The following EXOC1 variants were observed in gnomAD, a reference collection of about 807,000 sequenced individuals.
EXOC1 encodes SEC3-like 1.
In EXOC1, 67 loss-of-function variants were observed where a neutral mutation model predicts 107.7. That is an observed-to-expected ratio of 0.62 (90% CI 0.51 to 0.76). The LOEUF (loss-of-function observed/expected upper bound fraction) is 0.76. Ranked by LOEUF, EXOC1 falls within the 30% of genes least tolerant of loss-of-function variation. The pLI, the probability that EXOC1 is intolerant of heterozygous loss-of-function variation, is 0.00. For synonymous variants in EXOC1, 348 were observed against 353.5 expected, an observed-to-expected ratio of 0.98 and a Z score of 0.17; for missense variants, 833 against 1,055.7, an observed-to-expected ratio of 0.79 and a Z score of 2.92.
chr4:55,895,086 G>A (rs1250050592), intron 15 of EXOC1, among the ~76,000 whole-genome samples: 1 of 152,116 alleles, frequency 6.6e-6, no homozygotes, highest in East Asian at 1.9e-4. Context: ...ACATAGGTTT[G>A]CCACTGAAGA....
At chr4:55,891,291 T>C (rs781632066) in intron 12 of EXOC1, 24 bp from the exon 13 acceptor site, 29 of 1,467,796 alleles carry the variant, frequency 2.0e-5, no homozygotes, top group Middle Eastern at 3.4e-4. Flanking sequence ...TCTTTCGTTA[T>C]AGGATCACTT....
intron 9 of EXOC1, among the ~76,000 whole-genome samples, chr4:55,882,491 G>T (rs1723500236): frequency 6.6e-6 from 1 of 152,164 alleles, no homozygotes; most frequent in Non-Finnish European, 1.5e-5. Flanking sequence ...ACATCCCAAT[G>T]AAATAGGAAT....
chr4:55,862,902 G>A (rs771335668), intron 3 of EXOC1, among the ~76,000 whole-genome samples: 32 of 151,950 alleles, frequency 2.1e-4, no homozygotes, highest in Non-Finnish European at 5.9e-5. Flanking sequence ...TTGTTTGTTT[G>A]TCTGCTTGTT....
At position 55,853,721 on chromosome 4, in the gene EXOC1, C is replaced by T. The variant is rs1271248057; in HGVS notation, c.-243C>T. Reference sequence around the variant, plus strand: ...TCCCGTTCAACGCTTTATTGAGGGGCGTATCCTAGTGGCCCCCATCCGGTC... The same window carrying T: ...TCCCGTTCAACGCTTTATTGAGGGGTGTATCCTAGTGGCCCCCATCCGGTC... On this transcript the variant is annotated 5_prime_UTR_variant, in exon 1 of 19. Transcript: ENST00000381295. 6.6e-6 allele frequency: 1 copy of T among 152,264 alleles called. No homozygotes were observed. The allele number at this position is 152,264 out of a possible 1,614,324, so 9.4% of individuals were successfully genotyped here. A position where few individuals can be genotyped will look rare whatever the true frequency, so the allele number is the denominator to read the frequency against.
chr4:55,860,285 T>C, intron 2 of EXOC1, 126 bp from the exon 3 acceptor site: 1 of 1,155,738 alleles, frequency 8.7e-7, no homozygotes, highest in East Asian at 2.7e-5. Context: ...ATAGCACTTG[T>C]TGCAAAGTAT....
At chr4:55,894,496 T>G (rs1310903022) in intron 15 of EXOC1, among the ~76,000 whole-genome samples, 6 of 151,968 alleles carry the variant, frequency 3.9e-5, no homozygotes, top group Admixed American at 6.6e-5. Context: ...TTAATTTATT[T>G]TAATAGTTTA....
At chr4:55,875,139 C>G (rs547632505) in intron 8 of EXOC1, among the ~76,000 whole-genome samples, 1 of 152,232 alleles carries the variant, frequency 6.6e-6, no homozygotes, top group South Asian at 2.1e-4. Context: ...GAACTTTTTA[C>G]CATATGCTTA....
intron 10 of EXOC1, 147 bp downstream of exon 10, chr4:55,884,075 C>A: frequency 1.7e-6 from 1 of 598,320 alleles, no homozygotes; most frequent in Non-Finnish European, 2.9e-6. Context: ...TGATTTATAG[C>A]CGTTTCATAG....
chr4:55,877,237 C>G (rs904900530), intron 8 of EXOC1: 1 of 985,350 alleles, frequency 1.0e-6, no homozygotes, highest in African/African-American at 1.7e-5. Flanking sequence ...CTCCAAAACT[C>G]TAGCAGTCTG....
chr4:55,858,120 A>G (rs1721162971), intron 1 of EXOC1, among the ~76,000 whole-genome samples, 194 bp from the exon 2 acceptor site: 1 of 152,178 alleles, frequency 6.6e-6, no homozygotes, highest in Non-Finnish European at 1.5e-5. Context: ...AACATTTTAG[A>G]GTTTGATAAC....
intron 15 of EXOC1, 73 bp downstream of exon 15, chr4:55,893,853 C>G (rs536877185): frequency 4.1e-6 from 5 of 1,218,700 alleles, no homozygotes; most frequent in Non-Finnish European, 3.4e-6. Flanking sequence ...TATTTAAAAT[C>G]GAGGGATTTC....
chr4:55,857,419 C>T (rs997422042), intron 1 of EXOC1, among the ~76,000 whole-genome samples: 1 of 151,950 alleles, frequency 6.6e-6, no homozygotes, highest in African/African-American at 2.4e-5. Context: ...CCGCCCGCCT[C>T]GGCCTCCCAA....
chr4:55,877,824 G>C, intron 8 of EXOC1, 93 bp from the exon 9 acceptor site: 1 of 1,538,196 alleles, frequency 6.5e-7, no homozygotes, highest in East Asian at 2.3e-5. Flanking sequence ...TATTGGTTTG[G>C]CTTGGCCACA....
intron 2 of EXOC1, among the ~76,000 whole-genome samples, 185 bp from the exon 3 acceptor site, chr4:55,860,226 T>G (rs1371312563): frequency 6.6e-6 from 1 of 152,194 alleles, no homozygotes; most frequent in Non-Finnish European, 1.5e-5. Context: ...CCTCTGATCT[T>G]CTAGTCTGAC....
At chr4:55,873,889 A>G (rs904391901) in intron 8 of EXOC1, among the ~76,000 whole-genome samples, 8 of 152,180 alleles carry the variant, frequency 5.3e-5, no homozygotes, top group Non-Finnish European at 1.0e-4. Context: ...TTTTCATTGT[A>G]TGCTTATTAT....
In EXOC1 at chr4:55,888,929, G is replaced by C. The variant is rs1459015032; in HGVS notation, c.1372G>C (p.Glu458Gln). Residue 458 changes from glutamate to glutamine, a missense_variant, in exon 11 of 19, where the codon GAG becomes CAG. This residue lies in a region of EXOC1 where 617 missense variants were observed against 701.3 expected (regional missense o/e 0.88). Coordinates refer to ENST00000381295, the MANE Select transcript of EXOC1 (RefSeq NM_001024924.2). ...RKESAVKQET[E>Q]SLHGSSGKLT... is the part of the protein sequence containing the mutation. ...AGAAAGTGCTGTCAAACAGGAAACA[G>C]AGAGTGAGTATGCTTAGTGTATTAG... The C allele has an allele frequency of 6.2e-6, 10 of 1,613,604 alleles. No homozygotes were observed. The highest frequency in any genetic ancestry group is 8.5e-6 in the Non-Finnish European group (10 of 1,179,652).
chr4:55,876,127 TTAA>T, intron 8 of EXOC1: 1 of 985,244 alleles, frequency 1.0e-6, no homozygotes, highest in Non-Finnish European at 1.2e-6. Context: ...TGTATTTTAC[TTAA>T]TATTATTGAT....
intron 16 of EXOC1, 33 bp downstream of exon 16, chr4:55,896,933 T>A (rs560225365): frequency 6.6e-7 from 1 of 1,525,032 alleles, no homozygotes; most frequent in South Asian, 1.3e-5. Flanking sequence ...AGAATTGTTA[T>A]AGCTATTGTT....
In EXOC1 at chr4:55,870,888, G is replaced by A. The variant is rs1722365700; in HGVS notation, c.814G>A (p.Glu272Lys). The A allele has an allele frequency of 6.2e-7, 1 of 1,612,950 alleles. No individual in the cohort carries two copies. Among genetic ancestry groups the A allele is most frequent in the Admixed American group, 1.7e-5 (1 of 59,930 alleles). ...SNTNNVKLLS[E>K]IEFLVNHMDL... ...CACTAATAATGTAAAACTCCTATCT[G>A]AGATAGAGTTCCTTGTGGTAAGTAT... Residue 272 changes from glutamate (E) to lysine (K), a missense_variant, in exon 6 of 19, where the codon GAG (glutamate) becomes AAG (lysine). Glu to Lys is a moderately conservative substitution (Grantham distance 56). Around this residue, in one of 2 missense-constraint regions of EXOC1, gnomAD observed 617 missense variants for 701.3 expected, o/e 0.88. Transcript: ENST00000381295.
Sources: gnomAD v4.1 joint callset for allele counts (sites outside exome capture counted in the v4.1 genomes callset) on GRCh38, gnomAD v4.1.1 for gene constraint, gnomAD v4.1.1 regional missense constraint, MANE v1.5 for transcripts, NCBI Gene and HGNC (gene_info 2026-07-23, HGNC 2026-07-21) for gene names.